Variants in CACNA2D1 observed in about 807,000 individuals in gnomAD.
CACNA2D1 encodes the protein voltage-dependent calcium channel subunit alpha-2/delta-1.
A neutral mutation model predicts 171.5 loss-of-function variants in CACNA2D1; 53 were observed. The ratio of observed to expected loss-of-function variants is 0.31; its 90% CI spans 0.25 to 0.39. The LOEUF is 0.39. Ranked by LOEUF, CACNA2D1 falls within the 10% of genes least tolerant of loss-of-function variation. The pLI is 1.00. For missense variants in CACNA2D1, 903 were observed against 1,299.8 expected (o/e 0.69, Z 4.69); for synonymous variants, 442 against 443.1 (o/e 1.00, Z 0.03).
Position 81,961,877 on chromosome 7 carries a change from T to A in CACNA2D1, c.2966+17A>T, listed in dbSNP as rs202002627. ...TTTCTTAATGAAATAGGACTACTCC[T>A]GAAATAAATAAATTACCTGGAACAG... On this transcript the variant is annotated intron_variant, in intron 36 of 38. Coordinates refer to ENST00000356860, the MANE Select transcript of CACNA2D1 (RefSeq NM_000722.4). 1 of 1,584,518 alleles carries A rather than the reference T, an allele frequency of 6.3e-7. No individual in the cohort carries two copies. Among genetic ancestry groups the A allele is most frequent in the Non-Finnish European group, 8.7e-7 (1 of 1,154,212 alleles).
intron 3 of CACNA2D1, among the ~76,000 whole-genome samples, chr7:82,254,206 A>G (rs1806005542): frequency 6.6e-6 from 1 of 152,228 alleles, no homozygotes; most frequent in Admixed American, 6.5e-5. Context: ...AAACAAACAA[A>G]ATAACTTAAC....
intron 11 of CACNA2D1, among the ~76,000 whole-genome samples, chr7:82,035,506 CA>C (rs1208788065): frequency 6.6e-6 from 1 of 152,016 alleles, no homozygotes; most frequent in Non-Finnish European, 1.5e-5. Context: ...CAACTGGGAC[CA>C]TATTTTAAAA....
chr7:82,440,119 G>T (rs917231175), intron 1 of CACNA2D1, among the ~76,000 whole-genome samples: 1 of 151,704 alleles, frequency 6.6e-6, no homozygotes, highest in African/African-American at 2.4e-5. Flanking sequence ...TATTTCCTGT[G>T]GATATCCACA....
chr7:82,324,808 G>A (rs1038779188), intron 3 of CACNA2D1, among the ~76,000 whole-genome samples: 1 of 152,132 alleles, frequency 6.6e-6, no homozygotes, highest in Non-Finnish European at 1.5e-5. Flanking sequence ...TTAAGTGGAA[G>A]AAAATAGAGC....
chr7:82,174,899 T>C (rs1796405372), intron 3 of CACNA2D1, among the ~76,000 whole-genome samples: 1 of 152,064 alleles, frequency 6.6e-6, no homozygotes, highest in Non-Finnish European at 1.5e-5. Flanking sequence ...ATCAGCTCCC[T>C]TGAAAGTCTA....
chr7:82,184,077 T>A (rs1041124649), intron 3 of CACNA2D1, among the ~76,000 whole-genome samples: 2 of 149,614 alleles, frequency 1.3e-5, no homozygotes, highest in Non-Finnish European at 1.5e-5. Context: ...GTGAGTAGGA[T>A]GGTTTTAAAA....
In CACNA2D1 at chr7:82,195,566, T is replaced by C. The variant is rs1798763426; in HGVS notation, c.295-24957A>G. 2.0e-5 allele frequency among the ~76,000 whole-genome samples: 3 copies of C among 151,878 alleles called. No homozygotes were observed. The South Asian group carries it at 6.2e-4, about 31-fold the overall frequency. On this transcript the variant is annotated intron_variant, in intron 3 of 38. Coordinates refer to ENST00000356860, the MANE Select transcript of CACNA2D1 (RefSeq NM_000722.4). ...GTAGAATATTGTAGGGACAAATAAA[T>C]TGCCTTTCTTCTTTGCCAGGTGAAA...
intron 3 of CACNA2D1, among the ~76,000 whole-genome samples, chr7:82,303,258 TAAAAATACA>T (rs1813275130): frequency 6.6e-6 from 1 of 151,878 alleles, no homozygotes; most frequent in African/African-American, 2.4e-5. Flanking sequence ...TGGCCTCTAC[TAAAAATACA>T]AAGTGCTGTG....
At chr7:82,409,485 T>C (rs1445654110) in intron 1 of CACNA2D1, among the ~76,000 whole-genome samples, 3 of 152,206 alleles carry the variant, frequency 2.0e-5, no homozygotes. Context: ...TAGTTACTGT[T>C]AGGTTCTCCT....
intron 3 of CACNA2D1, among the ~76,000 whole-genome samples, chr7:82,291,486 A>C (rs1349839010): frequency 7.5e-6 from 1 of 134,134 alleles, no homozygotes; most frequent in African/African-American, 2.7e-5. Flanking sequence ...AAAATATATT[A>C]TATATATTTT....
chr7:82,318,378 G>C (rs1815366378), intron 3 of CACNA2D1, among the ~76,000 whole-genome samples: 3 of 152,070 alleles, frequency 2.0e-5, no homozygotes, highest in South Asian at 2.1e-4. Context: ...TCACTTATGA[G>C]TATAAAAGCC....
chr7:82,226,996 T>C (rs972258512), intron 3 of CACNA2D1, among the ~76,000 whole-genome samples: 1 of 152,184 alleles, frequency 6.6e-6, no homozygotes, highest in Non-Finnish European at 1.5e-5. Context: ...TTATATTACC[T>C]TGGCACTTAT....
At chr7:82,420,771 G>C (rs1585900499) in intron 1 of CACNA2D1, among the ~76,000 whole-genome samples, 1 of 150,916 alleles carries the variant, frequency 6.6e-6, no homozygotes, top group Admixed American at 6.6e-5. Context: ...GTTTTACGTG[G>C]ATCAAATTTT....
chr7:82,055,831 T>A (rs1436709106), intron 10 of CACNA2D1, among the ~76,000 whole-genome samples: 4 of 144,382 alleles, frequency 2.8e-5, no homozygotes, highest in African/African-American at 1.0e-4. Context: ...AGTTAATGGG[T>A]GCAGCACACC....
At chr7:82,312,329 T>C (rs1396628713) in intron 3 of CACNA2D1, among the ~76,000 whole-genome samples, 2 of 152,154 alleles carry the variant, frequency 1.3e-5, no homozygotes, top group African/African-American at 2.4e-5. Flanking sequence ...ATCTACTGTT[T>C]CCAATTTTTC....
chr7:81,994,262 A>G (rs906289749), intron 20 of CACNA2D1, among the ~76,000 whole-genome samples: 3 of 152,116 alleles, frequency 2.0e-5, no homozygotes, highest in African/African-American at 7.2e-5. Flanking sequence ...TAATCCTCTG[A>G]CTGATAATAG....
intron 2 of CACNA2D1, among the ~76,000 whole-genome samples, chr7:82,336,021 G>A (rs1817946972): frequency 2.6e-5 from 4 of 152,162 alleles, no homozygotes; most frequent in Non-Finnish European, 4.4e-5. Flanking sequence ...AGAAAGGGGG[G>A]TTGGAGGGGA....
chr7:82,162,845 G>A (rs1369854602), intron 4 of CACNA2D1, among the ~76,000 whole-genome samples: 2 of 151,916 alleles, frequency 1.3e-5, no homozygotes, highest in Non-Finnish European at 2.9e-5. Context: ...AGCTCCCAAT[G>A]TCAAAATGTA....
intron 4 of CACNA2D1, among the ~76,000 whole-genome samples, chr7:82,170,204 T>C (rs1795869874): frequency 6.6e-6 from 1 of 151,990 alleles, no homozygotes; most frequent in Non-Finnish European, 1.5e-5. Flanking sequence ...TTCCAACTTG[T>C]ATATTCATAA....
Sources: allele counts gnomAD v4.1 joint callset (sites outside exome capture counted in the v4.1 genomes callset), GRCh38; gene constraint gnomAD v4.1.1; transcripts MANE v1.5; gene names NCBI Gene and HGNC (gene_info 2026-07-23, HGNC 2026-07-21).